The following LRRK1 variants were observed in gnomAD, a reference collection of about 807,000 sequenced individuals.
LRRK1 encodes the protein leucine-rich repeat serine/threonine-protein kinase 1.
Under a neutral mutation model 209.1 loss-of-function variants are expected in LRRK1, and 113 were observed. The observed-to-expected ratio is 0.54, with a 90% CI of 0.46 to 0.63. The LOEUF is 0.63. LRRK1 is among the 30% of genes least tolerant of loss of function. LRRK1 has a pLI of 0.00. For missense variants in LRRK1, 2,284 were observed against 2,632.2 expected (o/e 0.87, Z 2.89); for synonymous variants, 1,144 against 1,099.7 (o/e 1.04, Z -0.80).
At chr15:100,951,964 A>ATAATAATAATAAT (rs1555460103) in intron 2 of LRRK1, among the ~76,000 whole-genome samples, 88 of 146,558 alleles carry the variant, frequency 6.0e-4, no homozygotes, top group African/African-American at 2.2e-3. Context: ...AGAAAAAAAA[A>ATAATAATAATAAT]AATAATAATA....
In LRRK1 at chr15:100,989,472, A is replaced by G. The variant is rs764616471; in HGVS notation, c.762+74A>G. ...TGTAACAGAATCCTGCAGACTGGGT[A>G]ATTTATAATAAACAGAAATATATTT... On this transcript the variant is annotated intron_variant, in intron 6 of 33. Coordinates refer to ENST00000388948, the MANE Select transcript of LRRK1 (RefSeq NM_024652.6). 1.1e-5 allele frequency: 16 copies of G among 1,467,714 alleles called. No homozygotes were observed. In the South Asian group the frequency reaches 1.8e-4, roughly 16 times the overall value. 90.9% of individuals were successfully genotyped at this position (1,467,714 alleles called of 1,614,324 possible).
At chr15:100,920,799 T>A (rs2042007414) in intron 1 of LRRK1, among the ~76,000 whole-genome samples, 3 of 152,220 alleles carry the variant, frequency 2.0e-5, no homozygotes, top group Middle Eastern at 3.4e-3. Context: ...ATCAGTCCTC[T>A]TTATGGAGTC....
intron 15 of LRRK1, among the ~76,000 whole-genome samples, chr15:101,023,295 A>G (rs2033881703): frequency 6.6e-6 from 1 of 152,086 alleles, no homozygotes; most frequent in Non-Finnish European, 1.5e-5. Context: ...ATGCCACTGC[A>G]CTCCAGCCTG....
intron 6 of LRRK1, among the ~76,000 whole-genome samples, chr15:100,998,569 G>A (rs560690166): frequency 7.2e-6 from 1 of 139,762 alleles, no homozygotes; most frequent in East Asian, 2.2e-4. Context: ...TGCTCACCCT[G>A]TGTTTGCCCC....
intron 2 of LRRK1, among the ~76,000 whole-genome samples, chr15:100,936,414 C>T (rs950906603): frequency 1.3e-5 from 2 of 152,092 alleles, no homozygotes; most frequent in Admixed American, 6.6e-5. Flanking sequence ...CCATCTATTG[C>T]GCAGGGGTTG....
intron 3 of LRRK1, among the ~76,000 whole-genome samples, chr15:100,977,948 C>T (rs114662888): frequency 1.0e-3 from 154 of 152,186 alleles, no homozygotes; most frequent in African/African-American, 3.6e-3. Context: ...AGGCAGTCAT[C>T]ATAAAAATGC....
intron 2 of LRRK1, among the ~76,000 whole-genome samples, chr15:100,950,723 A>G (rs7179200): frequency 2.6e-5 from 4 of 152,128 alleles, no homozygotes; most frequent in Non-Finnish European, 5.9e-5. Context: ...ATGGGAGAAA[A>G]TATTTCCAAA....
At chr15:100,934,802 C>CAAAAAAAAAAAAAA (rs56258040) in intron 2 of LRRK1, among the ~76,000 whole-genome samples, 1 of 53,440 alleles carries the variant, frequency 1.9e-5, no homozygotes, top group Non-Finnish European at 4.0e-5. Flanking sequence ...GAAACTGTCT[C>CAAAAAAAAAAAAAA]AAAAAAAAAA....
chr15:100,922,118 A>G (rs1265944331), intron 1 of LRRK1, among the ~76,000 whole-genome samples: 2 of 152,218 alleles, frequency 1.3e-5, no homozygotes, highest in Non-Finnish European at 2.9e-5. Context: ...TTAAACCATC[A>G]TTACTGCTGA....
intron 24 of LRRK1, 58 bp from the exon 25 acceptor site, chr15:101,052,864 C>G: frequency 6.4e-7 from 1 of 1,570,642 alleles, no homozygotes; most frequent in Non-Finnish European, 8.7e-7. Context: ...TGACCCAGCC[C>G]AGGACCCACC....
chr15:100,954,731 A>G (rs745874349), intron 2 of LRRK1, among the ~76,000 whole-genome samples: 1 of 152,180 alleles, frequency 6.6e-6, no homozygotes, highest in Non-Finnish European at 1.5e-5. Flanking sequence ...TTTTTTCGAC[A>G]CTATTTATTG....
intron 20 of LRRK1, among the ~76,000 whole-genome samples, chr15:101,032,595 A>C (rs866743208): frequency 6.6e-5 from 10 of 152,140 alleles, no homozygotes; most frequent in African/African-American, 2.4e-4. Context: ...CAATCTTGAC[A>C]ATCTTTCTTT....
chr15:101,007,791 G>A (rs1172598014), intron 6 of LRRK1, among the ~76,000 whole-genome samples: 1 of 152,082 alleles, frequency 6.6e-6, no homozygotes, highest in African/African-American at 2.4e-5. Context: ...TTAGAGAATC[G>A]GTCAGTTATT....
intron 9 of LRRK1, among the ~76,000 whole-genome samples, 191 bp from the exon 10 acceptor site, chr15:101,011,816 CT>C (rs1337214988): frequency 5.3e-5 from 8 of 152,132 alleles, no homozygotes; most frequent in Admixed American, 5.2e-4. Context: ...ATTCCTGTCC[CT>C]TCCTTGGAGT....
At position 100,973,273 on chromosome 15, in the gene LRRK1, C is replaced by T. The variant is rs924812055; in HGVS notation, c.98-531C>T. On this transcript the variant is annotated intron_variant, in intron 2 of 33. Transcript: ENST00000388948. ...CGCGACCCGAGGCCCGGTGTCGTCC[C>T]CCATCGTTACGCAGCGCGTTCGTGC... Among the ~76,000 whole-genome samples the T allele has an allele frequency of 2.0e-5, 3 of 152,368 alleles. No homozygotes were observed. In the South Asian group the frequency reaches 6.2e-4, roughly 32 times the overall value.
At chr15:101,056,160 C>A (rs1444416270) in intron 27 of LRRK1, among the ~76,000 whole-genome samples, 5 of 152,206 alleles carry the variant, frequency 3.3e-5, no homozygotes, top group African/African-American at 1.2e-4. Flanking sequence ...TATTTCTTGA[C>A]CCTTATAGGG....
chr15:101,005,455 G>A (rs1404325232), intron 6 of LRRK1, among the ~76,000 whole-genome samples: 1 of 152,132 alleles, frequency 6.6e-6, no homozygotes, highest in Non-Finnish European at 1.5e-5. Flanking sequence ...GGAAAGATGA[G>A]GGAAAAAAAC....
rs544765938 is a variant in LRRK1 at position 101,021,004 on chromosome 15, C to T, written c.1610-49C>T. On this transcript the variant is annotated intron_variant, in intron 12 of 33. Coordinates refer to ENST00000388948, the MANE Select transcript of LRRK1 (RefSeq NM_024652.6). ...CGCCCACCTGGTCACCACGCTGTGA[C>T]GGTCCAGAATTATTTTTAAATGCAG... The T allele has an allele frequency of 3.7e-5, 59 of 1,608,586 alleles. No individual in the cohort carries two copies. In the Middle Eastern group the frequency reaches 6.8e-4, roughly 18 times the overall value.
chr15:101,022,409 C>G lies in LRRK1; in HGVS notation c.1879C>G (p.Arg627Gly). ...EGPKAMLSYL[R>G]AQLRKAEKCK... ...CCCCAAAGCAATGCTGTCTTACCTG[C>G]GTGCTCAGCTGCGGAAAGCGGAAAA... The change falls in exon 15 of 34, where the codon CGT (arginine) becomes GGT (glycine). Residue 627 changes from arginine to glycine, a missense_variant. Physicochemically the swap from Arg to Gly is moderately radical, Grantham distance 125. Coordinates refer to ENST00000388948, the MANE Select transcript of LRRK1 (RefSeq NM_024652.6). This position sits in a 1 kb window ranked among gnomAD's most constrained non-coding sequence, Gnocchi z 4.0. 6.2e-7 allele frequency: 1 copy of G among 1,614,236 alleles called. No individual in the cohort carries two copies. Among genetic ancestry groups the G allele is most frequent in the Non-Finnish European group, 8.5e-7 (1 of 1,180,048 alleles).
Sources: allele counts gnomAD v4.1 joint callset (sites outside exome capture counted in the v4.1 genomes callset), GRCh38; gene constraint gnomAD v4.1.1; non-coding constraint Gnocchi (gnomAD v3.1); transcripts MANE v1.5; gene names NCBI Gene and HGNC (gene_info 2026-07-23, HGNC 2026-07-21).